RBMS3: variants seen among roughly 807,000 people sequenced by gnomAD.
RBMS3 encodes the protein RNA-binding motif, single-stranded-interacting protein 3.
Under a neutral mutation model 66.8 loss-of-function variants are expected in RBMS3, and 27 were observed. That is an observed-to-expected ratio of 0.40 (90% CI 0.30 to 0.56). The LOEUF is 0.56. RBMS3 is among the 20% of genes least tolerant of loss of function. The pLI is 0.40. For missense variants in RBMS3, 513 were observed against 549.5 expected, an observed-to-expected ratio of 0.93 and a Z score of 0.66; for synonymous variants, 188 against 183.0, an observed-to-expected ratio of 1.03 and a Z score of -0.22.
At chr3:29,873,488 G>C (rs1255583699) in intron 7 of RBMS3, among the ~76,000 whole-genome samples, 1 of 152,134 alleles carries the variant, frequency 6.6e-6, no homozygotes, top group Non-Finnish European at 1.5e-5. Context: ...GAGCTTTTGG[G>C]CTGAGACTAT....
intron 4 of RBMS3, among the ~76,000 whole-genome samples, chr3:29,594,979 C>T (rs1443846346): frequency 6.6e-6 from 1 of 152,148 alleles, no homozygotes; most frequent in African/African-American, 2.4e-5. Flanking sequence ...CTCTGCTTTC[C>T]TAGCATTGGA....
intron 4 of RBMS3, among the ~76,000 whole-genome samples, chr3:29,645,687 T>A (rs2049893892): frequency 6.6e-6 from 1 of 152,226 alleles, no homozygotes. Context: ...ACGTTTTGAC[T>A]TTGAGGCAGA....
rs1575647189 is a variant in RBMS3, at chr3:29,373,560, T to G, written c.76-61183T>G. Among the ~76,000 whole-genome samples, 3 of 152,314 alleles carry G rather than the reference T, an allele frequency of 2.0e-5. No homozygotes were observed. In the East Asian group the frequency reaches 5.8e-4, roughly 29 times the overall value. On this transcript the variant is annotated intron_variant, in intron 1 of 14. Coordinates refer to ENST00000383767, the MANE Select transcript of RBMS3 (RefSeq NM_001003793.3). ...TTGGTGTTGGTTTGAAAAATGATAATGATCAGTTTCTGTTTCCAGACTGTT... is the reference window on the plus strand; with the variant it reads ...TTGGTGTTGGTTTGAAAAATGATAAGGATCAGTTTCTGTTTCCAGACTGTT...
At chr3:29,282,928 T>A (rs985952953) in intron 1 of RBMS3, among the ~76,000 whole-genome samples, 2 of 152,158 alleles carry the variant, frequency 1.3e-5, no homozygotes, top group African/African-American at 2.4e-5. Flanking sequence ...TATTGCTTTG[T>A]TTTTTTCTTT....
intron 4 of RBMS3, among the ~76,000 whole-genome samples, chr3:29,681,188 G>T (rs1302214676): frequency 6.6e-6 from 1 of 152,134 alleles, no homozygotes; most frequent in Admixed American, 6.5e-5. Flanking sequence ...CTTACTGAAT[G>T]ATTTCTTAAA....
intron 12 of RBMS3, among the ~76,000 whole-genome samples, chr3:29,979,587 G>A (rs1697838109): frequency 6.6e-6 from 1 of 151,932 alleles, no homozygotes; most frequent in South Asian, 2.1e-4. Flanking sequence ...CCCTTCCCTA[G>A]CCCCCCACCA....
intron 3 of RBMS3, among the ~76,000 whole-genome samples, chr3:29,509,596 G>A (rs1341927540): frequency 6.6e-6 from 1 of 152,088 alleles, no homozygotes; most frequent in Non-Finnish European, 1.5e-5. Flanking sequence ...TGCTGCCTGT[G>A]TGCTCTTCCT....
chr3:29,695,147 G>A (rs2052208746), intron 4 of RBMS3, among the ~76,000 whole-genome samples: 1 of 151,710 alleles, frequency 6.6e-6, no homozygotes, highest in South Asian at 2.1e-4. Flanking sequence ...TACTACTGTA[G>A]CAGTTTGTTC....
At chr3:29,591,200 A>G (rs976556543) in intron 4 of RBMS3, among the ~76,000 whole-genome samples, 3 of 152,188 alleles carry the variant, frequency 2.0e-5, no homozygotes, top group Non-Finnish European at 4.4e-5. Context: ...ACATGCATAC[A>G]TACATTTTAG....
intron 1 of RBMS3, among the ~76,000 whole-genome samples, chr3:29,379,226 T>C (rs890956450): frequency 2.0e-5 from 3 of 152,220 alleles, no homozygotes; most frequent in Admixed American, 1.3e-4. Flanking sequence ...TTAAAAGCAG[T>C]GACTCAATGT....
chr3:29,364,325 A>G (rs138778324), intron 1 of RBMS3, among the ~76,000 whole-genome samples: 149 of 152,296 alleles, frequency 9.8e-4, no homozygotes, highest in African/African-American at 3.4e-3. Flanking sequence ...GGGAAGGGTG[A>G]TAAAGGGGAG....
intron 2 of RBMS3, among the ~76,000 whole-genome samples, chr3:29,473,818 G>A (rs1021477190): frequency 4.6e-5 from 7 of 152,222 alleles, no homozygotes; most frequent in South Asian, 2.1e-4. Flanking sequence ...CCAAGCCCAC[G>A]CCCACCTGGA....
chr3:29,702,507 C>G (rs543492493), intron 4 of RBMS3, among the ~76,000 whole-genome samples: 2 of 152,176 alleles, frequency 1.3e-5, no homozygotes, highest in South Asian at 2.1e-4. Context: ...TCTGTGGAAG[C>G]TTTGTTCTTT....
chr3:29,797,458 A>G (rs184051212), intron 6 of RBMS3, among the ~76,000 whole-genome samples: 1 of 152,304 alleles, frequency 6.6e-6, no homozygotes, highest in Non-Finnish European at 1.5e-5. Flanking sequence ...CCAGACCACT[A>G]AAACTTTCTC....
intron 5 of RBMS3, among the ~76,000 whole-genome samples, chr3:29,751,015 C>T (rs2055158011): frequency 1.3e-5 from 2 of 151,962 alleles, no homozygotes; most frequent in Non-Finnish European, 2.9e-5. Flanking sequence ...TAATAATAGT[C>T]ATTTATTTTG....
chr3:29,457,087 G>A (rs1051352411), intron 2 of RBMS3, among the ~76,000 whole-genome samples: 1 of 152,170 alleles, frequency 6.6e-6, no homozygotes, highest in African/African-American at 2.4e-5. Flanking sequence ...GTGTATGTGA[G>A]CCTGTGGCAT....
chr3:29,804,869 A>C (rs1395368757), intron 6 of RBMS3, among the ~76,000 whole-genome samples: 2 of 151,844 alleles, frequency 1.3e-5, no homozygotes, highest in African/African-American at 4.8e-5. Flanking sequence ...TTAATCAATA[A>C]CACAGCTTAC....
intron 12 of RBMS3, among the ~76,000 whole-genome samples, chr3:29,960,705 C>A (rs538258889): frequency 6.6e-6 from 1 of 152,160 alleles, no homozygotes; most frequent in South Asian, 2.1e-4. Flanking sequence ...GACTTGTGTG[C>A]ACCTGCAGGC....
intron 3 of RBMS3, among the ~76,000 whole-genome samples, chr3:29,554,259 T>A (rs991868812): frequency 6.6e-6 from 1 of 152,134 alleles, no homozygotes; most frequent in South Asian, 2.1e-4. Context: ...AGCACAAGAG[T>A]CCAATGAATT....
Sources: gnomAD v4.1 joint callset for allele counts (sites outside exome capture counted in the v4.1 genomes callset) on GRCh38, gnomAD v4.1.1 for gene constraint, MANE v1.5 for transcripts, NCBI Gene and HGNC (gene_info 2026-07-23, HGNC 2026-07-21) for gene names.